The following SAMTOR variants were observed in gnomAD, a reference collection of about 807,000 sequenced individuals.
The protein encoded by SAMTOR is S-adenosylmethionine sensor upstream of mTORC1.
At chr7:112,859,166 A>T in the SAMTOR span, among the ~76,000 whole-genome samples, 2 of 152,206 alleles carry the variant, frequency 1.3e-5, no homozygotes, top group African/African-American at 2.4e-5. Flanking sequence ...CCTGCCCTGC[A>T]GATTTTGGAC....
At chr7:112,929,655 C>CA in the SAMTOR span, among the ~76,000 whole-genome samples, 1 of 151,912 alleles carries the variant, frequency 6.6e-6, no homozygotes, top group Non-Finnish European at 1.5e-5. Flanking sequence ...GCATTACTCA[C>CA]AATAGCTAAG....
At chr7:112,867,587 T>C in the SAMTOR span, among the ~76,000 whole-genome samples, 1 of 152,160 alleles carries the variant, frequency 6.6e-6, no homozygotes, top group Non-Finnish European at 1.5e-5. Context: ...CTAAGTAAAA[T>C]TATTTTCTTA....
the SAMTOR span, among the ~76,000 whole-genome samples, chr7:112,855,642 G>C: frequency 1.1e-4 from 16 of 152,194 alleles, no homozygotes; most frequent in East Asian, 2.9e-3. Context: ...AAAGCCAATA[G>C]CACATTAAAT....
chr7:112,828,488 G>A, the SAMTOR span, among the ~76,000 whole-genome samples: 9 of 152,064 alleles, frequency 5.9e-5, no homozygotes, highest in Admixed American at 5.2e-4. Context: ...CTTTTTATAA[G>A]TATACCAGAG....
At chr7:112,840,510 A>G in the SAMTOR span, among the ~76,000 whole-genome samples, 2 of 151,884 alleles carry the variant, frequency 1.3e-5, no homozygotes, top group Non-Finnish European at 2.9e-5. Flanking sequence ...AATAAAGATG[A>G]AAGTTATACT....
At chr7:112,829,508 T>G in the SAMTOR span, among the ~76,000 whole-genome samples, 1 of 152,214 alleles carries the variant, frequency 6.6e-6, no homozygotes, top group African/African-American at 2.4e-5. Context: ...GGGTTGGTCA[T>G]TGTTGGCTGA....
chr7:112,842,804 CTG>C, the SAMTOR span, among the ~76,000 whole-genome samples: 4 of 151,898 alleles, frequency 2.6e-5, no homozygotes, highest in African/African-American at 9.7e-5. Flanking sequence ...TATTAAAAGA[CTG>C]TACTTTCTTC....
the SAMTOR span, among the ~76,000 whole-genome samples, chr7:112,838,072 T>C: frequency 6.6e-6 from 1 of 151,904 alleles, no homozygotes; most frequent in Non-Finnish European, 1.5e-5. Context: ...AAACAAAAAA[T>C]GTAACACCAA....
chr7:112,884,257 A>G, the SAMTOR span, among the ~76,000 whole-genome samples: 1 of 152,100 alleles, frequency 6.6e-6, no homozygotes, highest in Admixed American at 6.5e-5. Context: ...AGATCACATC[A>G]TTTTACCCCA....
At chr7:112,864,042 A>G in the SAMTOR span, among the ~76,000 whole-genome samples, 2 of 152,252 alleles carry the variant, frequency 1.3e-5, no homozygotes, top group African/African-American at 2.4e-5. Flanking sequence ...AATGTGGTAC[A>G]TATACACCAC....
At chr7:112,932,235 A>G in the SAMTOR span, among the ~76,000 whole-genome samples, 1 of 152,070 alleles carries the variant, frequency 6.6e-6, no homozygotes, top group South Asian at 2.1e-4. Context: ...CACTATTACC[A>G]TTTTTATTAC....
the SAMTOR span, among the ~76,000 whole-genome samples, chr7:112,898,486 C>A: frequency 6.6e-6 from 1 of 152,344 alleles, no homozygotes; most frequent in Admixed American, 6.5e-5. Flanking sequence ...AAGCACCAGG[C>A]AGAATCCTAA....
At chr7:112,896,188 TGCGTGCACGCGCGCACGC>T in the SAMTOR span, among the ~76,000 whole-genome samples, 6 of 152,176 alleles carry the variant, frequency 3.9e-5, no homozygotes, top group East Asian at 1.2e-3. Flanking sequence ...AGGGTGAGTG[TGCGTGCACGCGCGCACGC>T]GCGTGTGTGT....
chr7:112,877,372 A>G, the SAMTOR span, among the ~76,000 whole-genome samples: 6 of 152,022 alleles, frequency 3.9e-5, no homozygotes, highest in African/African-American at 1.4e-4. Context: ...TGGTCTCAGA[A>G]CTCTTTTGTA....
the SAMTOR span, among the ~76,000 whole-genome samples, chr7:112,828,587 A>T: frequency 2.6e-5 from 4 of 152,200 alleles, no homozygotes; most frequent in Non-Finnish European, 4.4e-5. Context: ...TCACATCTTT[A>T]GAGTTAGAAC....
At chr7:112,854,372 G>A in the SAMTOR span, among the ~76,000 whole-genome samples, 2 of 152,022 alleles carry the variant, frequency 1.3e-5, no homozygotes, top group East Asian at 1.9e-4. Flanking sequence ...CATTGCAAGA[G>A]GTAAGTGTGG....
At chr7:112,845,881 C>T in the SAMTOR span, among the ~76,000 whole-genome samples, 1 of 152,064 alleles carries the variant, frequency 6.6e-6, no homozygotes, top group African/African-American at 2.4e-5. Context: ...AATAGTATTG[C>T]AGTCATAAAA....
At chr7:112,871,436 G>A in the SAMTOR span, among the ~76,000 whole-genome samples, 1 of 152,020 alleles carries the variant, frequency 6.6e-6, no homozygotes, top group African/African-American at 2.4e-5. Context: ...GGTAAACAAT[G>A]AAATTAAGGC....
the SAMTOR span, among the ~76,000 whole-genome samples, chr7:112,866,105 C>T: frequency 6.6e-6 from 1 of 151,998 alleles, no homozygotes; most frequent in African/African-American, 2.4e-5. Context: ...ATAAAGAAGA[C>T]AAAGCTATTA....
Sources: allele counts gnomAD v4.1 joint callset (sites outside exome capture counted in the v4.1 genomes callset), GRCh38; gene constraint gnomAD v4.1.1; transcripts MANE v1.5; gene names NCBI Gene and HGNC (gene_info 2026-07-23, HGNC 2026-07-21).